Variants in MYO1B observed in about 807,000 individuals in gnomAD.
MYO1B encodes unconventional myosin-Ib.
Under a neutral mutation model 159.7 loss-of-function variants are expected in MYO1B, and 72 were observed. The observed-to-expected ratio is 0.45, with a 90% CI of 0.37 to 0.55. The LOEUF (loss-of-function observed/expected upper bound fraction) is 0.55. Among genes scored for constraint, MYO1B ranks in the 20% least tolerant of loss-of-function variants. The pLI is 0.00. For synonymous variants in MYO1B, 468 were observed against 473.8 expected (o/e 0.99, Z 0.16); for missense variants, 1,062 against 1,364.8 (o/e 0.78, Z 3.50).
rs114599647 is a variant in MYO1B at position 191,326,710 on chromosome 2, G to A, written c.252-3225G>A. ...TAAGTATTCAACTTAGGTTCTTTGA[G>A]TTAAAATGAACTCACAACAGGGTGA... is the stretch of plus-strand genomic sequence containing the variant. On this transcript the variant is annotated intron_variant, in intron 3 of 30. Coordinates refer to ENST00000392318, the MANE Select transcript of MYO1B (RefSeq NM_001130158.3). 3.7e-3 allele frequency among the ~76,000 whole-genome samples: 562 copies of A among 151,338 alleles called. 4 individuals are homozygous for A. The highest frequency in any genetic ancestry group is 0.013 in the African/African-American group (541 of 40,952).
chr2:191,334,010 T>C (rs1171504898), intron 4 of MYO1B, among the ~76,000 whole-genome samples: 1 of 152,186 alleles, frequency 6.6e-6, no homozygotes, highest in Non-Finnish European at 1.5e-5. Flanking sequence ...ATTCACTTCA[T>C]ATTGCTTCAT....
chr2:191,332,739 G>A (rs1208700551), intron 4 of MYO1B, among the ~76,000 whole-genome samples: 2 of 152,138 alleles, frequency 1.3e-5, no homozygotes, highest in African/African-American at 2.4e-5. Context: ...TTGAATGCAG[G>A]TAGTGTAGTT....
chr2:191,352,857 A>T (rs1014826751), intron 7 of MYO1B, among the ~76,000 whole-genome samples: 8 of 152,218 alleles, frequency 5.3e-5, no homozygotes, highest in Non-Finnish European at 1.0e-4. Context: ...GTTCTCTCCA[A>T]ACTAAAGAAG....
chr2:191,316,917 G>A (rs2125880593), intron 3 of MYO1B, among the ~76,000 whole-genome samples: 1 of 152,314 alleles, frequency 6.6e-6, no homozygotes, highest in East Asian at 1.9e-4. Flanking sequence ...AGTCTTTGAA[G>A]ATGTATTCAT....
At chr2:191,407,959 C>G (rs2126155786) in intron 24 of MYO1B, 156 bp from the exon 25 acceptor site, 1 of 445,868 alleles carries the variant, frequency 2.2e-6, no homozygotes, top group East Asian at 3.4e-5. Context: ...GACTTAAGAT[C>G]CACTATATGA....
At chr2:191,406,743 T>C (rs552740934) in intron 24 of MYO1B, among the ~76,000 whole-genome samples, 2 of 152,310 alleles carry the variant, frequency 1.3e-5, no homozygotes, top group South Asian at 4.1e-4. Flanking sequence ...AATGAGCACA[T>C]GCTGTTGGAA....
At chr2:191,387,609 C>G in intron 17 of MYO1B, 159 bp downstream of exon 17, 1 of 665,632 alleles carries the variant, frequency 1.5e-6, no homozygotes, top group Non-Finnish European at 2.6e-6. Context: ...TTAAAAAATG[C>G]TCCACTATCC....
intron 30 of MYO1B, 100 bp downstream of exon 30, chr2:191,416,342 C>G (rs748577018): frequency 5.0e-6 from 7 of 1,391,264 alleles, no homozygotes; most frequent in Non-Finnish European, 6.1e-6. Flanking sequence ...TTATTAAGTA[C>G]CAGGTATGTG....
chr2:191,247,871 C>T (rs1574252020), intron 1 of MYO1B: 2 of 945,358 alleles, frequency 2.1e-6, no homozygotes, highest in African/African-American at 3.5e-5. Flanking sequence ...ATAAGGCTGG[C>T]AACAGGCTGT....
intron 7 of MYO1B, among the ~76,000 whole-genome samples, chr2:191,350,743 A>AT (rs1178286418): frequency 6.6e-6 from 1 of 151,874 alleles, no homozygotes; most frequent in African/African-American, 2.4e-5. Context: ...GGTAAAACAG[A>AT]TTTTTTAACC....
intron 3 of MYO1B, among the ~76,000 whole-genome samples, chr2:191,325,555 G>A (rs1691001296): frequency 6.6e-6 from 1 of 152,122 alleles, no homozygotes; most frequent in Non-Finnish European, 1.5e-5. Context: ...GGGAAGAGCT[G>A]GAGAGGCTGA....
chr2:191,270,451 G>T (rs557193782), intron 1 of MYO1B, among the ~76,000 whole-genome samples: 13 of 152,150 alleles, frequency 8.5e-5, no homozygotes, highest in Admixed American at 5.2e-4. Context: ...GATGCAGGGA[G>T]GGGGAGGTAC....
rs558222903 is a variant in MYO1B, at chr2:191,316,243, G to C, written c.252-13692G>C. On this transcript the variant is annotated intron_variant, in intron 3 of 30. Coordinates refer to ENST00000392318, the MANE Select transcript of MYO1B (RefSeq NM_001130158.3). ...TCCTTAATTTTAAAATTCATTAATAGATTGGTCTGCCTTCATTTTATGAAA... is the reference window on the plus strand; with the variant it reads ...TCCTTAATTTTAAAATTCATTAATACATTGGTCTGCCTTCATTTTATGAAA... 3.9e-5 allele frequency among the ~76,000 whole-genome samples: 6 copies of C among 152,296 alleles called. No homozygotes were observed. The South Asian group carries it at 1.0e-3, about 26-fold the overall frequency.
chr2:191,248,085 G>A lies in MYO1B; in HGVS notation c.-10+2459G>A, dbSNP rs1685894737. On this transcript the variant is annotated intron_variant, in intron 1 of 30. Transcript: ENST00000392318. ...GTTTTTAGCATTTGTCCTCCTTTGGGTAAGATTGTCTTCTACCTCCCTTCT... is the reference window on the plus strand; with the variant it reads ...GTTTTTAGCATTTGTCCTCCTTTGGATAAGATTGTCTTCTACCTCCCTTCT... 4 of 945,586 alleles carry A rather than the reference G, an allele frequency of 4.2e-6. No individual in the cohort carries two copies. In the African/African-American group the frequency reaches 5.3e-5, roughly 13 times the overall value. The allele number at this position is 945,586 out of a possible 1,614,324, so 58.6% of individuals were successfully genotyped here.
At chr2:191,413,898 G>A (rs1697401324) in intron 27 of MYO1B, 150 bp from the exon 28 acceptor site, 1 of 730,818 alleles carries the variant, frequency 1.4e-6, no homozygotes, top group Non-Finnish European at 2.1e-6. Context: ...CTTATATTTA[G>A]GACAGATGTA....
At chr2:191,337,738 A>AT (rs1297830125) in intron 4 of MYO1B, among the ~76,000 whole-genome samples, 1 of 152,172 alleles carries the variant, frequency 6.6e-6, no homozygotes, top group African/African-American at 2.4e-5. Flanking sequence ...ATGCTGTTAC[A>AT]TTTTGTCTAT....
rs753498912 is a variant in MYO1B, at chr2:191,276,887, C to G, written c.-9C>G. On this transcript the variant is annotated splice_region_variant and 5_prime_UTR_variant, in exon 2 of 31. Transcript: ENST00000392318. ...TGACCCCTTTCCCTCTCTTCTGCAG[C>G]TGGAGACCATGGCCAAAATGGAGGT... 6 of 1,603,954 alleles carry G rather than the reference C, an allele frequency of 3.7e-6. No individual in the cohort carries two copies. The South Asian group carries it at 5.6e-5, about 15-fold the overall frequency.
intron 2 of MYO1B, among the ~76,000 whole-genome samples, chr2:191,293,586 A>T (rs1353307269): frequency 6.6e-6 from 1 of 152,186 alleles, no homozygotes; most frequent in African/African-American, 2.4e-5. Flanking sequence ...CATATAGGGT[A>T]CCTTCCTGAT....
chr2:191,337,540 T>C (rs941770947), intron 4 of MYO1B, among the ~76,000 whole-genome samples: 2 of 152,190 alleles, frequency 1.3e-5, no homozygotes, highest in Non-Finnish European at 2.9e-5. Flanking sequence ...TAACCCTAAA[T>C]GTTCTGCCAT....
Sources: allele counts gnomAD v4.1 joint callset (sites outside exome capture counted in the v4.1 genomes callset), GRCh38; gene constraint gnomAD v4.1.1; transcripts MANE v1.5; gene names NCBI Gene and HGNC (gene_info 2026-07-23, HGNC 2026-07-21).